Variants in SIPA1 observed in about 807,000 individuals in gnomAD.
SIPA1 encodes the protein signal-induced proliferation-associated protein 1.
In SIPA1, 51 loss-of-function variants were observed where a neutral mutation model predicts 88.1. That is an observed-to-expected ratio of 0.58 (90% CI 0.46 to 0.73). The LOEUF (loss-of-function observed/expected upper bound fraction) is 0.73, where lower values mean the gene tolerates loss of function less well. Ranked by LOEUF, SIPA1 falls within the 30% of genes least tolerant of loss-of-function variation. The pLI is 0.00. For missense variants in SIPA1, 1,348 were observed against 1,467.6 expected, an observed-to-expected ratio of 0.92 and a Z score of 1.33; for synonymous variants, 681 against 664.8, an observed-to-expected ratio of 1.02 and a Z score of -0.37.
chr11:65,647,648 C>T lies in SIPA1; in HGVS notation c.2296C>T (p.Arg766Trp), dbSNP rs1474839157. 4.4e-6 allele frequency: 6 copies of T among 1,371,610 alleles called. No homozygotes were observed. Among genetic ancestry groups the T allele is most frequent in the Admixed American group, 7.1e-5 (2 of 28,208 alleles). 85.0% of individuals were successfully genotyped at this position (1,371,610 alleles called of 1,614,324 possible). A position where few individuals can be genotyped will look rare whatever the true frequency, so the allele number is the denominator to read the frequency against. The change falls in exon 9 of 16, where the codon CGG becomes TGG. Residue 766 changes from arginine to tryptophan, a missense_variant. Coordinates refer to ENST00000534313, the MANE Select transcript of SIPA1 (RefSeq NM_006747.4). Reference sequence around the variant, plus strand: ...CGTCCTGCCCCCCGACGAGAGCGGCCGGCCCCGCAGGTCAGGGTGCCGGGG... The same window carrying T: ...CGTCCTGCCCCCCGACGAGAGCGGCTGGCCCCGCAGGTCAGGGTGCCGGGG... ...VTVLPPDESGRPRRSFSELYT... is the reference protein window; with the variant it reads ...VTVLPPDESGWPRRSFSELYT...
chr11:65,645,792 A>C, intron 5 of SIPA1, 62 bp from the exon 6 acceptor site: 1 of 1,230,300 alleles, frequency 8.1e-7, no homozygotes, highest in South Asian at 1.4e-5. Flanking sequence ...AGGAATGGCA[A>C]GTTCAAGCCA....
chr11:65,640,472 C>G (rs544685147), intron 1 of SIPA1, among the ~76,000 whole-genome samples: 1 of 152,320 alleles, frequency 6.6e-6, no homozygotes, highest in African/African-American at 2.4e-5. Flanking sequence ...CCCGTCCCAG[C>G]CAATACAAGT....
intron 9 of SIPA1, 109 bp from the exon 10 acceptor site, chr11:65,649,153 G>A (rs73490492): frequency 8.0e-6 from 6 of 748,906 alleles, no homozygotes; most frequent in South Asian, 6.1e-5. Context: ...TCAGGATGCC[G>A]GGGAGCTCTC....
chr11:65,649,722 G>T, intron 11 of SIPA1, 35 bp from the exon 12 acceptor site: 2 of 1,613,614 alleles, frequency 1.2e-6, no homozygotes, highest in Non-Finnish European at 1.7e-6. Flanking sequence ...GTGACAGTGG[G>T]CATCACTGAA....
In SIPA1 at chr11:65,641,207, C is replaced by A; in HGVS notation, c.286C>A (p.Leu96Met). 6.2e-7 allele frequency: 1 copy of A among 1,612,454 alleles called. No individual in the cohort carries two copies. The highest frequency in any genetic ancestry group is 8.5e-7 in the Non-Finnish European group (1 of 1,180,008). ...TRLFTDPLALLGLPAEEPEPA... is the reference protein window; with the variant it reads ...TRLFTDPLALMGLPAEEPEPA... ...GCTCTTCACTGACCCGCTGGCACTG[C>A]TGGGGCTGCCAGCAGAGGAACCAGA... The change falls in exon 2 of 16, where the codon CTG becomes ATG. Residue 96 changes from leucine (L) to methionine (M), a missense_variant. Leu to Met is a conservative substitution (Grantham distance 15). This residue lies in a region of SIPA1 where 641 missense variants were observed against 797.7 expected (regional missense o/e 0.80). Transcript: ENST00000534313.
Position 65,645,023 on chromosome 11 carries a change from C to T in SIPA1, c.1053C>T (p.Tyr351=). The stretch of plus-strand genomic sequence containing the variant: ...GCCAGGGCTCGGAGGAGGAGATGTA[C>T]AACAACCAGGAGGCGGGACCGGCCT... ...RAGQGSEEEM[Y]NNQEAGPAFM... The change falls in exon 5 of 16, where the codon TAC becomes TAT. Residue 351 remains tyrosine, a synonymous_variant. Coordinates refer to ENST00000534313, the MANE Select transcript of SIPA1 (RefSeq NM_006747.4). The T allele has an allele frequency of 3.1e-6, 5 of 1,614,020 alleles. No homozygotes were observed. The highest frequency in any genetic ancestry group is 1.7e-5 in the Admixed American group (1 of 60,008).
chr11:65,646,203 C>T lies in SIPA1; in HGVS notation c.1264-18C>T. The T allele has an allele frequency of 1.9e-6, 3 of 1,613,126 alleles. No homozygotes were observed. The highest frequency in any genetic ancestry group is 2.5e-6 in the Non-Finnish European group (3 of 1,179,722). On this transcript the variant is annotated intron_variant, in intron 6 of 15. Transcript: ENST00000534313. This position sits in a 1 kb window ranked among gnomAD's most constrained non-coding sequence, Gnocchi z 7.5. ...GCACAGAAGACCTCATCACGAGCCC[C>T]TACTATCCAACCCCTAGCTCCTCCG...
intron 9 of SIPA1, among the ~76,000 whole-genome samples, chr11:65,648,980 A>C (rs1856195149): frequency 6.6e-6 from 1 of 152,226 alleles, no homozygotes; most frequent in East Asian, 1.9e-4. Context: ...CGTGTTATTT[A>C]AATCCTCACA....
At chr11:65,645,211 T>A in intron 5 of SIPA1, 82 bp downstream of exon 5, 1 of 1,392,190 alleles carries the variant, frequency 7.2e-7, no homozygotes, top group Non-Finnish European at 1.0e-6. Context: ...CCTTTGTCCG[T>A]ACAATCCTGG....
In SIPA1 at chr11:65,649,999, C is replaced by T; in HGVS notation, c.2796C>T (p.Ile932=). Reference sequence around the variant, plus strand: ...CCCTGGAGGACGAGTGGCAGGCCATCTCGGAGATTGCCTCTACTTGCAACA... The same window carrying T: ...CCCTGGAGGACGAGTGGCAGGCCATTTCGGAGATTGCCTCTACTTGCAACA... The part of the protein sequence containing the change: ...SGTLEDEWQA[I]SEIASTCNTI... The change falls in exon 13 of 16, where the codon ATC becomes ATT. Residue 932 remains isoleucine (I), a synonymous_variant. Transcript: ENST00000534313. 1 of 1,614,006 alleles carries T rather than the reference C, an allele frequency of 6.2e-7. No homozygotes were observed. The highest frequency in any genetic ancestry group is 1.1e-5 in the South Asian group (1 of 91,070).
rs867327883 is a variant in SIPA1 at position 65,640,962 on chromosome 11, G to C, written c.41G>C (p.Gly14Ala). 6.4e-7 allele frequency: 1 copy of C among 1,560,604 alleles called. No individual in the cohort carries two copies. Among genetic ancestry groups the C allele is most frequent in the Non-Finnish European group, 8.6e-7 (1 of 1,161,524 alleles). ...GGCGGTGTGGGGAGCCCTCGGCGGG[G>C]CATGGCCCCTGCGTCCACAGATGAC... Reference protein sequence around the residue: ...WAGGVGSPRRGMAPASTDDLF... With the variant: ...WAGGVGSPRRAMAPASTDDLF... The change falls in exon 2 of 16, where the codon GGC becomes GCC. Residue 14 changes from glycine to alanine, a missense_variant. This residue lies in a region of SIPA1 where 641 missense variants were observed against 797.7 expected (regional missense o/e 0.80). Transcript: ENST00000534313.
intron 2 of SIPA1, 42 bp downstream of exon 2, chr11:65,641,642 A>G: frequency 6.5e-7 from 1 of 1,529,706 alleles, no homozygotes; most frequent in Non-Finnish European, 8.9e-7. Flanking sequence ...GGGGGGCTGA[A>G]GAAGAGGTCC....
intron 9 of SIPA1, 148 bp from the exon 10 acceptor site, chr11:65,649,114 A>C: frequency 1.6e-6 from 1 of 612,856 alleles, no homozygotes. Context: ...AAAAATGGCC[A>C]GTAACCAGGC....
Position 65,649,255 on chromosome 11 carries a change from C to G in SIPA1, c.2307-7C>G. 3.3e-6 allele frequency: 5 copies of G among 1,508,538 alleles called. No individual in the cohort carries two copies. Among genetic ancestry groups the G allele is most frequent in the Non-Finnish European group, 4.5e-6 (5 of 1,120,336 alleles). The allele number at this position is 1,508,538 out of a possible 1,614,324, so 93.4% of individuals were successfully genotyped here. A position where few individuals can be genotyped will look rare whatever the true frequency, so the allele number is the denominator to read the frequency against. Reference sequence around the variant, plus strand: ...GAAGTCCTGCCTGACCCTGTCCCACCCCACAGGAGTTTTTCGGAGCTGTAC... The same window carrying G: ...GAAGTCCTGCCTGACCCTGTCCCACGCCACAGGAGTTTTTCGGAGCTGTAC... On this transcript the variant is annotated splice_region_variant and splice_polypyrimidine_tract_variant and intron_variant, in intron 9 of 15. Transcript: ENST00000534313.
chr11:65,649,064 G>A (rs776803591), intron 9 of SIPA1, 198 bp from the exon 10 acceptor site: 2 of 546,356 alleles, frequency 3.7e-6, no homozygotes, highest in Middle Eastern at 4.4e-4. Context: ...ATTTGCTTGG[G>A]ATATACAGGG....
intron 4 of SIPA1, 115 bp from the exon 5 acceptor site, chr11:65,644,840 T>C (rs1259889210): frequency 9.7e-7 from 1 of 1,034,068 alleles, no homozygotes; most frequent in East Asian, 2.4e-5. Flanking sequence ...AGGGCACAAG[T>C]GGCTCAGAGA....
intron 9 of SIPA1, among the ~76,000 whole-genome samples, chr11:65,647,872 CTCTT>C (rs1343169681): frequency 3.4e-4 from 51 of 150,010 alleles, no homozygotes; most frequent in Admixed American, 2.7e-3. Flanking sequence ...TCTCTCCTCT[CTCTT>C]TTTTTTTTTT....
chr11:65,640,998 G>T lies in SIPA1; in HGVS notation c.77G>T (p.Arg26Leu). ...APASTDDLFA[R>L]KLRQPARPPL... ...GCGTCCACAGATGACCTCTTTGCCC[G>T]CAAGCTGCGCCAGCCAGCAAGGCCC... The change falls in exon 2 of 16, where the codon CGC (arginine) becomes CTC (leucine). Residue 26 changes from arginine to leucine, a missense_variant. This residue lies in a region of SIPA1 where 641 missense variants were observed against 797.7 expected (regional missense o/e 0.80). Transcript: ENST00000534313. The T allele has an allele frequency of 6.3e-7, 1 of 1,585,460 alleles. No individual in the cohort carries two copies. Among genetic ancestry groups the T allele is most frequent in the Non-Finnish European group, 8.5e-7 (1 of 1,172,100 alleles).
chr11:65,644,931 A>G, intron 4 of SIPA1, 24 bp from the exon 5 acceptor site: 3 of 1,602,940 alleles, frequency 1.9e-6, no homozygotes, highest in Non-Finnish European at 2.6e-6. Flanking sequence ...ACTGAGACCT[A>G]TGCCTTCTGT....
Sources: gnomAD v4.1 joint callset for allele counts (sites outside exome capture counted in the v4.1 genomes callset) on GRCh38, gnomAD v4.1.1 for gene constraint, gnomAD v4.1.1 regional missense constraint, Gnocchi (gnomAD v3.1) non-coding constraint, MANE v1.5 for transcripts, NCBI Gene and HGNC (gene_info 2026-07-23, HGNC 2026-07-21) for gene names.